The following DDX60 variants were observed in gnomAD, a reference collection of about 807,000 sequenced individuals.
DDX60 encodes the protein probable ATP-dependent RNA helicase DDX60.
Under a neutral mutation model 212.8 loss-of-function variants are expected in DDX60, and 165 were observed. The observed-to-expected ratio is 0.78, with a 90% CI of 0.68 to 0.88. The LOEUF (loss-of-function observed/expected upper bound fraction) is 0.88, where lower values mean the gene tolerates loss of function less well. Ranked by LOEUF, DDX60 falls within the 40% of genes least tolerant of loss-of-function variation. The probability of loss-of-function intolerance (pLI) is 0.00; values close to 1 mark genes in which losing one functional copy is unlikely to be tolerated. For synonymous variants in DDX60, 703 were observed against 685.3 expected, an observed-to-expected ratio of 1.03 and a Z score of -0.40; for missense variants, 1,905 against 2,003.9, an observed-to-expected ratio of 0.95 and a Z score of 0.94.
At chr4:168,223,172 C>T (rs543289649) in intron 35 of DDX60, among the ~76,000 whole-genome samples, 15 of 151,980 alleles carry the variant, frequency 9.9e-5, no homozygotes, top group Admixed American at 6.6e-4. Flanking sequence ...GAAAATGAAA[C>T]GTGGGAGGAG....
chr4:168,268,969 C>G lies in DDX60; in HGVS notation c.2671G>C (p.Val891Leu), dbSNP rs371708675. ...KKIRYVIFDEVHCLGGEIGAE... is the reference protein window; with the variant it reads ...KKIRYVIFDELHCLGGEIGAE... Reference sequence around the variant, plus strand: ...CCAATTTCTCCACCAAGACAATGAACCTATTAAACAAAAAAAAAAAAATCT... The same window carrying G: ...CCAATTTCTCCACCAAGACAATGAAGCTATTAAACAAAAAAAAAAAAATCT... The change falls in exon 20 of 38, where the codon GTT becomes CTT. Residue 891 changes from valine (V) to leucine (L), a missense_variant and splice_region_variant. Transcript: ENST00000393743. 2.0e-6 allele frequency: 3 copies of G among 1,469,842 alleles called. No homozygotes were observed. Among genetic ancestry groups the G allele is most frequent in the Non-Finnish European group, 2.7e-6 (3 of 1,101,690 alleles). The allele number at this position is 1,469,842 out of a possible 1,614,324, so 91.0% of individuals were successfully genotyped here.
intron 1 of DDX60, among the ~76,000 whole-genome samples, chr4:168,314,342 C>A (rs1196199689): frequency 6.6e-6 from 1 of 151,738 alleles, no homozygotes; most frequent in Non-Finnish European, 1.5e-5. Flanking sequence ...CACACACACA[C>A]AAATTAGTAC....
chr4:168,262,047 G>A lies in DDX60; in HGVS notation c.3226C>T (p.Leu1076=). The change falls in exon 24 of 38, where the codon CTA becomes TTA. Residue 1076 remains leucine, a synonymous_variant. Coordinates refer to ENST00000393743, the MANE Select transcript of DDX60 (RefSeq NM_017631.6). ...KMDARKYEES[L]KAELTSWIKN... ...ATCCAACTTGTTAATTCTGCCTTTAGACTCTCTTCATATTTCCTAGCATCC... is the reference window on the plus strand; with the variant it reads ...ATCCAACTTGTTAATTCTGCCTTTAAACTCTCTTCATATTTCCTAGCATCC... 1 of 1,601,118 alleles carries A rather than the reference G, an allele frequency of 6.2e-7. No individual in the cohort carries two copies. The highest frequency in any genetic ancestry group is 8.5e-7 in the Non-Finnish European group (1 of 1,175,788).
rs137933604 is a variant in DDX60, at chr4:168,280,373, C to G, written c.1940G>C (p.Cys647Ser). 16 of 1,613,540 alleles carry G rather than the reference C, an allele frequency of 9.9e-6. No individual in the cohort carries two copies. Among genetic ancestry groups the G allele is most frequent in the Non-Finnish European group, 2.5e-6 (3 of 1,179,880 alleles). Residue 647 changes from cysteine to serine, a missense_variant, in exon 14 of 38, where the codon TGC becomes TCC. Coordinates refer to ENST00000393743, the MANE Select transcript of DDX60 (RefSeq NM_017631.6). ...GCAATGTTCTTTCCAGGCTTTCAAG[C>G]AAGCAGTTAACCCCACCATTTCAAC... is the stretch of plus-strand genomic sequence containing the variant. The part of the protein sequence containing the change: ...LQVEMVGLTA[C>S]LKAWKEHCRS...
chr4:168,276,227 A>G (rs1735336114), intron 14 of DDX60, 46 bp from the exon 15 acceptor site: 1 of 1,466,262 alleles, frequency 6.8e-7, no homozygotes, highest in Non-Finnish European at 9.3e-7. Context: ...ACCATCAAAA[A>G]TAATTCATTT....
At chr4:168,292,048 T>TA in intron 7 of DDX60, 142 bp from the exon 8 acceptor site, 15 of 421,134 alleles carry the variant, frequency 3.6e-5, no homozygotes, top group Non-Finnish European at 4.9e-5. Flanking sequence ...TTTCTTTCTT[T>TA]CTTTTTTTTT....
chr4:168,225,718 T>C lies in DDX60; in HGVS notation c.4534-42A>G, dbSNP rs201005259. On this transcript the variant is annotated intron_variant, in intron 33 of 37. Coordinates refer to ENST00000393743, the MANE Select transcript of DDX60 (RefSeq NM_017631.6). ...TTTCATAGAGATAGATCTATTTACC[T>C]TCCTTCAAAACTGAATCGTTGGAAG... 5.7e-6 allele frequency: 9 copies of C among 1,577,702 alleles called. No individual in the cohort carries two copies. The Admixed American group carries it at 5.7e-5, about 10-fold the overall frequency.
chr4:168,309,174 A>G (rs1449114046), intron 3 of DDX60, among the ~76,000 whole-genome samples: 1 of 152,174 alleles, frequency 6.6e-6, no homozygotes. Flanking sequence ...ACTGCTCTCC[A>G]AACACAATAA....
rs763256160 is a variant in DDX60 at position 168,285,460 on chromosome 4, G to T, written c.1378C>A (p.Pro460Thr). 1.2e-6 allele frequency: 2 copies of T among 1,609,956 alleles called. No individual in the cohort carries two copies. The highest frequency in any genetic ancestry group is 3.4e-5 in the Admixed American group (2 of 59,598). Residue 460 changes from proline to threonine, a missense_variant, in exon 11 of 38, where the codon CCA becomes ACA. By Grantham distance (38) the Pro-to-Thr change is conservative. Coordinates refer to ENST00000393743, the MANE Select transcript of DDX60 (RefSeq NM_017631.6). ...TTATCAACCACAAAAGATGACGTTGGAATAAAACCCAAATTGGGCACCATT... is the reference window on the plus strand; with the variant it reads ...TTATCAACCACAAAAGATGACGTTGTAATAAAACCCAAATTGGGCACCATT... ...NEMVPNLGFI[P>T]TSSFVVDKFA...
intron 6 of DDX60, among the ~76,000 whole-genome samples, chr4:168,298,336 T>A (rs1736499084): frequency 6.6e-6 from 1 of 151,760 alleles, no homozygotes; most frequent in Non-Finnish European, 1.5e-5. Context: ...CCACATTCCA[T>A]ATATAAGACA....
chr4:168,256,732 G>A (rs1343467891), intron 25 of DDX60, among the ~76,000 whole-genome samples: 1 of 152,210 alleles, frequency 6.6e-6, no homozygotes, highest in Non-Finnish European at 1.5e-5. Context: ...CTGCATCTTG[G>A]TGGCAAAATG....
At chr4:168,273,787 ATG>A (rs764781013) in intron 17 of DDX60, 145 bp downstream of exon 17, 1 of 766,220 alleles carries the variant, frequency 1.3e-6, no homozygotes, top group Non-Finnish European at 2.0e-6. Flanking sequence ...GTATATGTAT[ATG>A]TATATTATTT....
intron 6 of DDX60, among the ~76,000 whole-genome samples, chr4:168,295,644 C>T (rs1384536657): frequency 1.3e-5 from 2 of 152,108 alleles, no homozygotes; most frequent in Non-Finnish European, 2.9e-5. Flanking sequence ...CAATTAAACT[C>T]CTTTAAATTT....
intron 14 of DDX60, among the ~76,000 whole-genome samples, chr4:168,279,225 A>G: frequency 6.6e-6 from 1 of 152,232 alleles, no homozygotes; most frequent in Non-Finnish European, 1.5e-5. Context: ...ATTTTTATGG[A>G]ATGGTTCTAC....
intron 26 of DDX60, among the ~76,000 whole-genome samples, chr4:168,255,358 T>G (rs1206824073): frequency 6.6e-6 from 1 of 152,200 alleles, no homozygotes; most frequent in Non-Finnish European, 1.5e-5. Context: ...AAGTGTGTAG[T>G]CTATATTTAA....
intron 23 of DDX60, among the ~76,000 whole-genome samples, chr4:168,262,381 T>C (rs896958347): frequency 2.0e-5 from 3 of 149,800 alleles, no homozygotes; most frequent in Admixed American, 1.3e-4. Flanking sequence ...GCAAGTGTAA[T>C]AAAAAGAAAT....
At chr4:168,238,236 C>A (rs867067064) in intron 30 of DDX60, among the ~76,000 whole-genome samples, 1,180 of 80,314 alleles carry the variant, frequency 0.015, 1 homozygote, top group East Asian at 0.019. Flanking sequence ...TATGAAATTC[C>A]AAAAAAAAAA....
intron 25 of DDX60, among the ~76,000 whole-genome samples, chr4:168,256,722 C>G (rs1734427387): frequency 6.6e-6 from 1 of 152,220 alleles, no homozygotes; most frequent in African/African-American, 2.4e-5. Context: ...TATTTCTCCA[C>G]TGCATCTTGG....
chr4:168,280,702 T>C, intron 13 of DDX60, 112 bp from the exon 14 acceptor site: 1 of 1,201,302 alleles, frequency 8.3e-7, no homozygotes, highest in Non-Finnish European at 1.1e-6. Context: ...ATCATCCCAT[T>C]TTGAGTAGAT....
Sources: allele counts gnomAD v4.1 joint callset (sites outside exome capture counted in the v4.1 genomes callset), GRCh38; gene constraint gnomAD v4.1.1; transcripts MANE v1.5; gene names NCBI Gene and HGNC (gene_info 2026-07-23, HGNC 2026-07-21).